The following NTM variants were observed in gnomAD, a reference collection of about 807,000 sequenced individuals.
NTM encodes the protein neurotrimin, also known as IgLON family member 2.
In NTM, 13 loss-of-function variants were observed where a neutral mutation model predicts 42.1. That is an observed-to-expected ratio of 0.31 (90% CI 0.20 to 0.49). NTM has a LOEUF of 0.49. NTM is among the 20% of genes least tolerant of loss of function. The pLI is 0.99. For synonymous variants in NTM, 187 were observed against 179.2 expected (o/e 1.04, Z -0.35); for missense variants, 373 against 452.8 (o/e 0.82, Z 1.60).
chr11:131,902,234 T>C (rs1203223041), intron 1 of NTM, among the ~76,000 whole-genome samples: 1 of 152,216 alleles, frequency 6.6e-6, no homozygotes, highest in Non-Finnish European at 1.5e-5. Flanking sequence ...ATAGTTTGGG[T>C]ATTAGTTTAG....
At chr11:132,041,597 G>A (rs149817029) in intron 2 of NTM, among the ~76,000 whole-genome samples, 17 of 152,252 alleles carry the variant, frequency 1.1e-4, no homozygotes, top group Admixed American at 3.3e-4. Flanking sequence ...GGGTATGAAC[G>A]TGCAATCATT....
intron 3 of NTM, among the ~76,000 whole-genome samples, chr11:132,164,299 TAGGTG>T (rs1228623614): frequency 6.6e-6 from 1 of 152,158 alleles, no homozygotes; most frequent in Non-Finnish European, 1.5e-5. Context: ...GGATTCTTGT[TAGGTG>T]ATAACATGAG....
At chr11:131,655,542 G>A (rs1175264096) in intron 1 of NTM, among the ~76,000 whole-genome samples, 1 of 152,198 alleles carries the variant, frequency 6.6e-6, no homozygotes, top group Non-Finnish European at 1.5e-5. Flanking sequence ...GCAGGGGGCT[G>A]CTCTCAGCTG....
At chr11:131,389,024 A>AAAAAAAAAAAAAGAAAAGAAAAG (rs774146196) in intron 1 of NTM, among the ~76,000 whole-genome samples, 3 of 89,904 alleles carry the variant, frequency 3.3e-5, no homozygotes, top group African/African-American at 4.6e-5. Flanking sequence ...AAAAAAAAAA[A>AAAAAAAAAAAAAGAAAAGAAAAG]AAAAGAAAAG....
intron 1 of NTM, among the ~76,000 whole-genome samples, chr11:131,478,734 ACT>A (rs1298743610): frequency 6.6e-6 from 1 of 152,134 alleles, no homozygotes; most frequent in African/African-American, 2.4e-5. Flanking sequence ...GAGACTCAAA[ACT>A]CTGATGTTCC....
chr11:132,085,873 A>G (rs1484925828), intron 2 of NTM, among the ~76,000 whole-genome samples: 2 of 152,194 alleles, frequency 1.3e-5, no homozygotes, highest in South Asian at 4.1e-4. Flanking sequence ...AAGACAAAAC[A>G]TATTTTGAGA....
intron 2 of NTM, among the ~76,000 whole-genome samples, chr11:132,010,471 C>T (rs1218632278): frequency 6.6e-6 from 1 of 152,168 alleles, no homozygotes; most frequent in Non-Finnish European, 1.5e-5. Context: ...TCTGCTCGGA[C>T]CTCTGCTATA....
intron 1 of NTM, among the ~76,000 whole-genome samples, chr11:131,604,091 G>T (rs1291898898): frequency 2.0e-5 from 3 of 152,050 alleles, no homozygotes; most frequent in African/African-American, 7.2e-5. Context: ...AAATTTATAG[G>T]AACCACCAAA....
intron 1 of NTM, among the ~76,000 whole-genome samples, chr11:131,696,252 ACGCACC>A (rs2075428002): frequency 6.6e-6 from 1 of 152,172 alleles, no homozygotes; most frequent in African/African-American, 2.4e-5. Context: ...ACAGCACAGG[ACGCACC>A]CGGGGAGGCC....
At chr11:131,500,578 T>TATATA (rs1491209927) in intron 1 of NTM, among the ~76,000 whole-genome samples, 1 of 1,550 alleles carries the variant, frequency 6.5e-4, no homozygotes, top group Non-Finnish European at 1.3e-3. Flanking sequence ...TATATATATA[T>TATATA]TTTTTTTTTT....
intron 1 of NTM, among the ~76,000 whole-genome samples, chr11:131,512,585 C>T (rs58170219): frequency 4.6e-5 from 7 of 152,196 alleles, no homozygotes. Context: ...CTCAGTTTCT[C>T]TCAGCTAGGC....
intron 2 of NTM, among the ~76,000 whole-genome samples, chr11:131,955,213 C>G (rs1275046900): frequency 6.6e-6 from 1 of 152,182 alleles, no homozygotes; most frequent in African/African-American, 2.4e-5. Context: ...TCACCCCTCA[C>G]CAATGCTACC....
At chr11:131,900,983 T>C (rs1288361680) in intron 1 of NTM, among the ~76,000 whole-genome samples, 1 of 152,218 alleles carries the variant, frequency 6.6e-6, no homozygotes, top group Non-Finnish European at 1.5e-5. Context: ...CCAATATGTG[T>C]TGTAAGGATC....
intron 1 of NTM, among the ~76,000 whole-genome samples, chr11:131,570,087 C>T (rs1360465001): frequency 6.6e-6 from 1 of 152,220 alleles, no homozygotes; most frequent in Non-Finnish European, 1.5e-5. Flanking sequence ...CTGTCTATAT[C>T]AGTCTTCCTT....
intron 1 of NTM, chr11:131,795,653 T>C: frequency 3.0e-6 from 3 of 985,416 alleles, no homozygotes; most frequent in Non-Finnish European, 3.6e-6. Flanking sequence ...GCCAGTACAG[T>C]GCCAGTGCCC....
At chr11:131,873,640 T>C (rs187575333) in intron 1 of NTM, among the ~76,000 whole-genome samples, 10 of 121,418 alleles carry the variant, frequency 8.2e-5, no homozygotes, top group Admixed American at 4.3e-4. Context: ...TATATACACA[T>C]ATATATATAC....
intron 2 of NTM, among the ~76,000 whole-genome samples, chr11:131,929,182 C>T (rs549416233): frequency 6.6e-6 from 1 of 152,194 alleles, no homozygotes; most frequent in Non-Finnish European, 1.5e-5. Flanking sequence ...AGTTTAGACT[C>T]CCTGGTTAGG....
chr11:131,834,194 C>A (rs1250379761), intron 1 of NTM, among the ~76,000 whole-genome samples: 1 of 152,146 alleles, frequency 6.6e-6, no homozygotes, highest in Admixed American at 6.5e-5. Context: ...AGGCTCAGGG[C>A]CCACCACACT....
chr11:131,397,752 C>T (rs1245493992), intron 1 of NTM, among the ~76,000 whole-genome samples: 4 of 152,052 alleles, frequency 2.6e-5, no homozygotes, highest in South Asian at 4.1e-4. Flanking sequence ...ATAAGAAAGC[C>T]CACCAGCCAT....
Sources: allele counts gnomAD v4.1 joint callset (sites outside exome capture counted in the v4.1 genomes callset), GRCh38; gene constraint gnomAD v4.1.1; transcripts MANE v1.5; gene names NCBI Gene and HGNC (gene_info 2026-07-23, HGNC 2026-07-21).